The following NELL1 variants were observed in gnomAD, a reference collection of about 807,000 sequenced individuals.
The protein encoded by NELL1 is protein kinase C-binding protein NELL1.
NELL1 carries 76 observed loss-of-function variants against 107.4 expected under a neutral mutation model. The ratio of observed to expected loss-of-function variants is 0.71; its 90% confidence interval spans 0.59 to 0.86. NELL1 has a LOEUF of 0.86. NELL1 is among the 40% of genes least tolerant of loss of function. The probability of loss-of-function intolerance (pLI) is 0.00; values close to 1 mark genes in which losing one functional copy is unlikely to be tolerated. For missense variants in NELL1, 1,024 were observed against 1,005.5 expected (o/e 1.02, Z -0.25); for synonymous variants, 353 against 341.2 (o/e 1.03, Z -0.38).
intron 2 of NELL1, among the ~76,000 whole-genome samples, chr11:20,724,121 A>T (rs961355183): frequency 6.6e-6 from 1 of 152,016 alleles, no homozygotes; most frequent in East Asian, 1.9e-4. Context: ...CTATGAAGCC[A>T]TTTTTCCCTC....
Position 21,139,333 on chromosome 11 carries a change from G to A in NELL1, c.1426+25619G>A, listed in dbSNP as rs1446563660. Among the ~76,000 whole-genome samples the A allele has an allele frequency of 2.6e-5, 4 of 152,110 alleles. No individual in the cohort carries two copies. In the East Asian group the frequency reaches 7.7e-4, roughly 29 times the overall value. On this transcript the variant is annotated intron_variant, in intron 13 of 19. Transcript: ENST00000357134. ...CTCAGGGACACTTGCTTTTCCCGGT[G>A]CCTGGAAAGCACTTCCCCTCACATC...
At chr11:21,247,466 A>G (rs752850709) in intron 14 of NELL1, among the ~76,000 whole-genome samples, 5 of 152,006 alleles carry the variant, frequency 3.3e-5, no homozygotes, top group South Asian at 4.1e-4. Flanking sequence ...TAAAATGAAG[A>G]CAAAAACACA....
intron 3 of NELL1, among the ~76,000 whole-genome samples, chr11:20,834,632 G>A (rs1848495773): frequency 6.6e-6 from 1 of 151,860 alleles, no homozygotes; most frequent in African/African-American, 2.4e-5. Context: ...GAACCCAGGA[G>A]GCAGAGTTTG....
intron 11 of NELL1, among the ~76,000 whole-genome samples, chr11:20,951,641 G>A (rs56914792): frequency 0.027 from 4,051 of 152,236 alleles, 190 homozygotes; most frequent in African/African-American, 0.093. Flanking sequence ...GGCTGTTGGA[G>A]CAGCTGGGAC....
chr11:21,351,451 T>C (rs1294941929), intron 14 of NELL1, among the ~76,000 whole-genome samples: 1 of 151,702 alleles, frequency 6.6e-6, no homozygotes, highest in African/African-American at 2.4e-5. Flanking sequence ...GAGAGTTACC[T>C]GATTTACTAA....
At chr11:21,224,817 G>T (rs547789501) in intron 13 of NELL1, among the ~76,000 whole-genome samples, 3 of 152,128 alleles carry the variant, frequency 2.0e-5, no homozygotes, top group Admixed American at 2.0e-4. Context: ...GTTTTATTTT[G>T]CAATATCTAT....
chr11:21,254,027 G>A (rs1427863406), intron 14 of NELL1, among the ~76,000 whole-genome samples: 1 of 152,070 alleles, frequency 6.6e-6, no homozygotes, highest in African/African-American at 2.4e-5. Flanking sequence ...TTTGCAGAGG[G>A]ACATGTGGTG....
intron 5 of NELL1, among the ~76,000 whole-genome samples, chr11:20,898,833 C>G (rs1849809669): frequency 6.6e-6 from 1 of 151,922 alleles, no homozygotes; most frequent in South Asian, 2.1e-4. Context: ...TATTTGCTTT[C>G]ACAAATCTAT....
chr11:20,765,798 T>C (rs1856517319), intron 2 of NELL1, among the ~76,000 whole-genome samples: 1 of 152,168 alleles, frequency 6.6e-6, no homozygotes, highest in African/African-American at 2.4e-5. Context: ...CAATTTTTAT[T>C]AAATTTGCAT....
chr11:20,824,182 C>T (rs1284164727), intron 3 of NELL1, among the ~76,000 whole-genome samples: 3 of 151,214 alleles, frequency 2.0e-5, no homozygotes, highest in African/African-American at 7.3e-5. Context: ...TCGCTCTGTG[C>T]TTCTTATTCC....
At chr11:20,674,424 G>A (rs977002248) in intron 1 of NELL1, 10 of 1,274,872 alleles carry the variant, frequency 7.8e-6, no homozygotes, top group Admixed American at 2.0e-5. Flanking sequence ...GTCCTCATGA[G>A]TCTGGTGTAA....
intron 2 of NELL1, among the ~76,000 whole-genome samples, chr11:20,720,841 C>T (rs1855363787): frequency 6.6e-6 from 1 of 152,126 alleles, no homozygotes; most frequent in Non-Finnish European, 1.5e-5. Flanking sequence ...AGCTTCATTA[C>T]CTCTGTAAGG....
chr11:21,486,103 C>A (rs1854624510), intron 15 of NELL1, among the ~76,000 whole-genome samples: 1 of 152,052 alleles, frequency 6.6e-6, no homozygotes, highest in Non-Finnish European at 1.5e-5. Flanking sequence ...GCCCTAAAAC[C>A]CACCCAAATT....
intron 15 of NELL1, among the ~76,000 whole-genome samples, chr11:21,444,513 AT>A (rs1466383722): frequency 6.6e-6 from 1 of 152,170 alleles, no homozygotes; most frequent in African/African-American, 2.4e-5. Flanking sequence ...GTCTTTGCTA[AT>A]AGTACAATTG....
At chr11:20,703,950 T>A (rs903915571) in intron 2 of NELL1, among the ~76,000 whole-genome samples, 2 of 152,158 alleles carry the variant, frequency 1.3e-5, no homozygotes, top group African/African-American at 4.8e-5. Context: ...GGAATAAGTG[T>A]GATGTGGTGC....
chr11:20,958,278 G>T (rs1246449735), intron 11 of NELL1, among the ~76,000 whole-genome samples: 5 of 151,916 alleles, frequency 3.3e-5, no homozygotes, highest in African/African-American at 1.2e-4. Flanking sequence ...GCTGGGCCTG[G>T]TGGCACGCAC....
chr11:21,020,920 G>A (rs1852683260), intron 12 of NELL1, among the ~76,000 whole-genome samples: 1 of 151,472 alleles, frequency 6.6e-6, no homozygotes, highest in Non-Finnish European at 1.5e-5. Flanking sequence ...AGTGATCTGT[G>A]GAGTTGTTTG....
At chr11:20,863,296 C>T (rs10833402) in intron 4 of NELL1, among the ~76,000 whole-genome samples, 71,437 of 118,236 alleles carry the variant, frequency 0.6, 23,440 homozygotes, top group Non-Finnish European at 0.74. Context: ...CCCTCCCGGA[C>T]GGGGCAGCTG....
intron 12 of NELL1, among the ~76,000 whole-genome samples, chr11:21,080,770 C>T (rs1233615533): frequency 1.3e-5 from 2 of 152,000 alleles, no homozygotes; most frequent in East Asian, 3.9e-4. Flanking sequence ...AACTTGCCTT[C>T]CAAAGAATTT....
Sources: allele counts gnomAD v4.1 joint callset (sites outside exome capture counted in the v4.1 genomes callset), GRCh38; gene constraint gnomAD v4.1.1; transcripts MANE v1.5; gene names NCBI Gene and HGNC (gene_info 2026-07-23, HGNC 2026-07-21).